The following CTNNA2 variants were observed in gnomAD, a reference collection of about 807,000 sequenced individuals.
CTNNA2 encodes the protein catenin alpha-2.
In CTNNA2, 42 loss-of-function variants were observed where a neutral mutation model predicts 101.0. That is an observed-to-expected ratio of 0.42 (90% CI 0.32 to 0.54). The LOEUF is 0.54. CTNNA2 is among the 20% of genes least tolerant of loss of function. The pLI, the probability that CTNNA2 is intolerant of heterozygous loss-of-function variation, is 0.14. For synonymous variants in CTNNA2, 450 were observed against 456.4 expected (o/e 0.99, Z 0.18); for missense variants, 871 against 1,223.1 (o/e 0.71, Z 4.29).
chr2:79,267,999 C>T (rs549902196), intron 2 of CTNNA2, among the ~76,000 whole-genome samples: 5 of 152,208 alleles, frequency 3.3e-5, no homozygotes, highest in Middle Eastern at 3.4e-3. Context: ...ACTCACTGAC[C>T]GGGTTCCTCA....
In CTNNA2 at chr2:80,419,588, A is replaced by G. The variant is rs1156890592; in HGVS notation, c.1277A>G (p.Asn426Ser). 1 of 1,613,806 alleles carries G rather than the reference A, an allele frequency of 6.2e-7. No homozygotes were observed. Among genetic ancestry groups the G allele is most frequent in the East Asian group, 2.2e-5 (1 of 44,834 alleles). The change falls in exon 9 of 19, where the codon AAC (asparagine) becomes AGC (serine). Residue 426 changes from asparagine to serine, a missense_variant. Around this residue, in one of 5 missense-constraint regions of CTNNA2, gnomAD observed 647 missense variants for 831.5 expected, o/e 0.78. Transcript: ENST00000402739. ...EYAQVFREHA[N>S]KLVEVANLAC... ...GCCCAAGTTTTCCGTGAGCATGCCA[A>G]CAAACTGGTAGAGGTAAGTGTGGAG...
At chr2:79,443,311 A>G (rs1326175620) in intron 4 of CTNNA2, among the ~76,000 whole-genome samples, 1 of 152,064 alleles carries the variant, frequency 6.6e-6, no homozygotes, top group Admixed American at 6.6e-5. Flanking sequence ...AAGTCCCACG[A>G]CCCAAGAACC....
chr2:79,411,695 T>C (rs1377583990), intron 4 of CTNNA2, among the ~76,000 whole-genome samples: 1 of 152,078 alleles, frequency 6.6e-6, no homozygotes, highest in Non-Finnish European at 1.5e-5. Flanking sequence ...AAGCAACTGC[T>C]GAGAGATTTT....
chr2:79,950,130 A>G (rs1235173392), intron 7 of CTNNA2, among the ~76,000 whole-genome samples: 1 of 149,274 alleles, frequency 6.7e-6, no homozygotes, highest in African/African-American at 2.5e-5. Context: ...TAAGATCAAT[A>G]CAGATTTTGT....
chr2:80,457,857 AG>A (rs780313770), intron 9 of CTNNA2, among the ~76,000 whole-genome samples: 35 of 152,300 alleles, frequency 2.3e-4, no homozygotes, highest in East Asian at 9.7e-4. Flanking sequence ...CTTGTTTAAA[AG>A]TCAGACACCC....
intron 1 of CTNNA2, among the ~76,000 whole-genome samples, chr2:79,571,479 T>G (rs935694773): frequency 2.0e-5 from 3 of 152,196 alleles, no homozygotes; most frequent in African/African-American, 7.2e-5. Context: ...GCTATTTTCT[T>G]TGTTCCTTTC....
chr2:80,295,097 T>G (rs962582692), intron 7 of CTNNA2, among the ~76,000 whole-genome samples: 8 of 152,076 alleles, frequency 5.3e-5, no homozygotes, highest in African/African-American at 1.9e-4. Flanking sequence ...CCTTTTTTTC[T>G]TCTCAATCTC....
chr2:80,641,588 ATTATTTGT>A (rs1673491113), intron 18 of CTNNA2, among the ~76,000 whole-genome samples: 1 of 152,046 alleles, frequency 6.6e-6, no homozygotes, highest in African/African-American at 2.4e-5. Flanking sequence ...TGACAATACT[ATTATTTGT>A]TTTTAAAGCA....
intron 7 of CTNNA2, among the ~76,000 whole-genome samples, chr2:80,075,652 A>T (rs181360322): frequency 2.8e-4 from 27 of 94,862 alleles, no homozygotes; most frequent in African/African-American, 1.1e-3. Context: ...ATATTATAAA[A>T]ATAATATTTA....
At chr2:80,071,827 G>A (rs1698362859) in intron 7 of CTNNA2, among the ~76,000 whole-genome samples, 1 of 152,158 alleles carries the variant, frequency 6.6e-6, no homozygotes, top group African/African-American at 2.4e-5. Flanking sequence ...GGCAAAGGTG[G>A]TACCACATGT....
chr2:80,551,728 A>C (rs1447192341), intron 11 of CTNNA2, among the ~76,000 whole-genome samples: 1 of 152,148 alleles, frequency 6.6e-6, no homozygotes, highest in African/African-American at 2.4e-5. Context: ...GGCCGATATG[A>C]TCTTCTATTT....
At chr2:79,196,483 C>T (rs1241755951) in intron 1 of CTNNA2, among the ~76,000 whole-genome samples, 1 of 152,118 alleles carries the variant, frequency 6.6e-6, no homozygotes, top group Admixed American at 6.5e-5. Context: ...TGCCTAGTTC[C>T]CTCCTATCAT....
intron 7 of CTNNA2, among the ~76,000 whole-genome samples, chr2:80,391,504 A>G (rs1256651792): frequency 6.6e-6 from 1 of 152,190 alleles, no homozygotes; most frequent in African/African-American, 2.4e-5. Context: ...AAGTTTTTTT[A>G]TTCTAATAAA....
Position 80,614,648 on chromosome 2 carries a change from T to G in CTNNA2, c.2431-4437T>G, listed in dbSNP as rs534733933. Among the ~76,000 whole-genome samples the G allele has an allele frequency of 1.0e-3, 155 of 151,642 alleles. 1 individual carries two copies. Among genetic ancestry groups the G allele is most frequent in the South Asian group, 3.3e-3 (16 of 4,830 alleles). On this transcript the variant is annotated intron_variant, in intron 17 of 18. Transcript: ENST00000402739. ...TTGACTACTTGTTCATATATGAGAA[T>G]AGTCTGATTTCATTCCAAGATTTTT... is the stretch of plus-strand genomic sequence containing the variant.
intron 7 of CTNNA2, among the ~76,000 whole-genome samples, chr2:80,076,222 AT>A (rs2148792054): frequency 6.6e-6 from 1 of 151,682 alleles, no homozygotes; most frequent in African/African-American, 2.4e-5. Flanking sequence ...GGCTTCTAAG[AT>A]GGCATAGGTT....
chr2:80,269,389 T>C (rs866286215), intron 7 of CTNNA2, among the ~76,000 whole-genome samples: 4 of 152,206 alleles, frequency 2.6e-5, no homozygotes, highest in African/African-American at 7.2e-5. Flanking sequence ...ACCATGATCA[T>C]AAGTTTCTTG....
chr2:79,528,577 G>A (rs574016247), intron 1 of CTNNA2, among the ~76,000 whole-genome samples: 1 of 152,138 alleles, frequency 6.6e-6, no homozygotes, highest in East Asian at 1.9e-4. Context: ...TGCCTATAAT[G>A]TAAGGCAAAC....
At chr2:80,378,872 C>G (rs1676239067) in intron 7 of CTNNA2, 1 of 152,194 alleles carries the variant, frequency 6.6e-6, no homozygotes, top group East Asian at 1.9e-4. Context: ...TGCCCGACAT[C>G]AGAAAGCACT....
chr2:80,315,714 A>C (rs1678053844), intron 7 of CTNNA2, among the ~76,000 whole-genome samples: 1 of 152,184 alleles, frequency 6.6e-6, no homozygotes, highest in South Asian at 2.1e-4. Context: ...GGAGTGGAGA[A>C]ATAGGCTCCA....
Sources: gnomAD v4.1 joint callset for allele counts (sites outside exome capture counted in the v4.1 genomes callset) on GRCh38, gnomAD v4.1.1 for gene constraint, gnomAD v4.1.1 regional missense constraint, MANE v1.5 for transcripts, NCBI Gene and HGNC (gene_info 2026-07-23, HGNC 2026-07-21) for gene names.